The following PWWP2B variants were observed in gnomAD, a reference collection of about 807,000 sequenced individuals.
PWWP2B encodes the protein PWWP domain containing 2B, also known as PWWP domain-containing protein 2B.
A neutral mutation model predicts 15.5 loss-of-function variants in PWWP2B; 9 were observed. That is an observed-to-expected ratio of 0.58 (90% CI 0.35 to 1.02). The LOEUF is 1.02. PWWP2B is among the 50% of genes least tolerant of loss of function. The pLI is 0.02. For synonymous variants in PWWP2B, 474 were observed against 403.6 expected, an observed-to-expected ratio of 1.17 and a Z score of -2.09; for missense variants, 864 against 865.3, an observed-to-expected ratio of 1.00 and a Z score of 0.02.
chr10:132,404,992 C>T lies in PWWP2B; in HGVS notation c.492C>T (p.Leu164=). 6.4e-7 allele frequency: 1 copy of T among 1,568,384 alleles called. No homozygotes were observed. Among genetic ancestry groups the T allele is most frequent in the Non-Finnish European group, 8.6e-7 (1 of 1,164,686 alleles). The change falls in exon 2 of 3, where the codon CTC becomes CTT. Residue 164 remains leucine (L), a synonymous_variant. Transcript: ENST00000305233. ...RLSRNRDPGR[L]ILSTIRLRPR... is the part of the protein sequence containing the mutation. ...CCCGCAACCGCGACCCGGGGCGCCT[C>T]ATCCTCAGCACCATCCGCCTGCGGC...
intron 2 of PWWP2B, among the ~76,000 whole-genome samples, chr10:132,408,068 A>G (rs916629449): frequency 2.0e-5 from 3 of 152,218 alleles, no homozygotes; most frequent in African/African-American, 7.2e-5. Flanking sequence ...AAGTGGAGGA[A>G]GAATCTCACC....
chr10:132,411,973 T>C (rs1311480056), intron 2 of PWWP2B, among the ~76,000 whole-genome samples: 1 of 152,254 alleles, frequency 6.6e-6, no homozygotes, highest in East Asian at 1.9e-4. Context: ...GTTGTAATTA[T>C]TTTGTTCCAG....
intron 2 of PWWP2B, 99 bp from the exon 3 acceptor site, chr10:132,416,962 C>G: frequency 7.5e-7 from 1 of 1,324,732 alleles, no homozygotes; most frequent in Non-Finnish European, 1.1e-6. Context: ...GAGCCTCAGG[C>G]CCTCCGGGGC....
At chr10:132,406,365 C>A in intron 2 of PWWP2B, 76 bp downstream of exon 2, 1 of 1,301,896 alleles carries the variant, frequency 7.7e-7, no homozygotes, top group Non-Finnish European at 1.0e-6. Flanking sequence ...GCCTCTGCTC[C>A]GGGCCCTGAG....
Position 132,405,030 on chromosome 10 carries a change from T to C in PWWP2B, c.530T>C (p.Leu177Pro). Reference sequence around the variant, plus strand: ...ATCCGCCTGCGGCCGCGCCAGGTGCTCTGTGAGAAGTGCAAGAGCACGCTG... The same window carrying C: ...ATCCGCCTGCGGCCGCGCCAGGTGCCCTGTGAGAAGTGCAAGAGCACGCTG... ...STIRLRPRQV[L>P]CEKCKSTLSP... Residue 177 changes from leucine (L) to proline (P), a missense_variant, in exon 2 of 3, where the codon CTC (leucine) becomes CCC (proline). By Grantham distance (98) the Leu-to-Pro change is moderately conservative. Around this residue, in one of 2 missense-constraint regions of PWWP2B, gnomAD observed 736 missense variants for 687.7 expected, o/e 1.07. Transcript: ENST00000305233. 1 of 1,525,646 alleles carries C rather than the reference T, an allele frequency of 6.6e-7. No homozygotes were observed. Among genetic ancestry groups the C allele is most frequent in the Admixed American group, 2.0e-5 (1 of 49,584 alleles). The allele number at this position is 1,525,646 out of a possible 1,614,324, so 94.5% of individuals were successfully genotyped here.
At position 132,407,550 on chromosome 10, in the gene PWWP2B, C is replaced by T. The variant is rs966796177; in HGVS notation, c.*16+1261C>T. Among the ~76,000 whole-genome samples, 4 of 152,326 alleles carry T rather than the reference C, an allele frequency of 2.6e-5. No homozygotes were observed. In the South Asian group the frequency reaches 6.2e-4, roughly 24 times the overall value. ...CTGCGTATTGGGGTTCCGGCGGAAG[C>T]AGTGATGAGAGACCACTGTGGTTGA... On this transcript the variant is annotated intron_variant, in intron 2 of 2. Coordinates refer to ENST00000305233, the MANE Select transcript of PWWP2B (RefSeq NM_138499.4).
intron 2 of PWWP2B, among the ~76,000 whole-genome samples, chr10:132,414,159 G>A (rs766835684): frequency 1.3e-5 from 2 of 152,238 alleles, no homozygotes; most frequent in African/African-American, 2.4e-5. Flanking sequence ...GAGAGGGAAG[G>A]CTCCTGCGAA....
chr10:132,405,114 G>A lies in PWWP2B; in HGVS notation c.614G>A (p.Gly205Asp), dbSNP rs191193353. 4 of 1,540,704 alleles carry A rather than the reference G, an allele frequency of 2.6e-6. No individual in the cohort carries two copies. Among genetic ancestry groups the A allele is most frequent in the African/African-American group, 2.8e-5 (2 of 72,676 alleles). ...PAAPRARRRL[G>D]SGPDRELRKP... ...GCGCCCAGGGCCCGCAGGAGGCTGG[G>A]CAGCGGCCCGGACAGGGAGCTCCGC... The change falls in exon 2 of 3, where the codon GGC (glycine) becomes GAC (aspartate). Residue 205 changes from glycine to aspartate, a missense_variant. Gly to Asp is a moderately conservative substitution (Grantham distance 94). Around this residue, in one of 2 missense-constraint regions of PWWP2B, gnomAD observed 736 missense variants for 687.7 expected, o/e 1.07. Transcript: ENST00000305233.
rs1379228940 is a variant in PWWP2B, at chr10:132,405,386, G to A, written c.886G>A (p.Val296Met). 1.9e-6 allele frequency: 3 copies of A among 1,611,230 alleles called. No homozygotes were observed. Among genetic ancestry groups the A allele is most frequent in the African/African-American group, 2.7e-5 (2 of 74,924 alleles). Residue 296 changes from valine (V) to methionine (M), a missense_variant, in exon 2 of 3, where the codon GTG becomes ATG. Physicochemically the swap from Val to Met is conservative, Grantham distance 21. Transcript: ENST00000305233. ...PQDDGSQDPE[V>M]LDRESRDRPS... is the part of the protein sequence containing the mutation. The stretch of plus-strand genomic sequence containing the variant: ...GGACGACGGCAGCCAGGACCCCGAG[G>A]TGCTGGACAGAGAGTCCCGGGACCG...
At chr10:132,402,612 C>G (rs1030028078) in intron 1 of PWWP2B, among the ~76,000 whole-genome samples, 4 of 152,232 alleles carry the variant, frequency 2.6e-5, no homozygotes, top group African/African-American at 9.6e-5. Context: ...TAAATGCTCA[C>G]AAGGTGCTCA....
intron 2 of PWWP2B, among the ~76,000 whole-genome samples, chr10:132,413,768 T>C (rs1026867336): frequency 6.6e-6 from 1 of 152,174 alleles, no homozygotes; most frequent in African/African-American, 2.4e-5. Flanking sequence ...CACACCCAAC[T>C]CCCTGGGGGG....
Position 132,405,953 on chromosome 10 carries a change from G to A in PWWP2B, c.1453G>A (p.Gly485Ser), listed in dbSNP as rs781085155. ...QSVSECITEDGRTVAVGDIVW... is the reference protein window; with the variant it reads ...QSVSECITEDSRTVAVGDIVW... ...CGTGTCGGAGTGCATCACGGAGGAC[G>A]GCAGGACTGTGGCCGTGGGGGACAT... Residue 485 changes from glycine to serine, a missense_variant, in exon 2 of 3, where the codon GGC (glycine) becomes AGC (serine). Gly to Ser is a moderately conservative substitution (Grantham distance 56). Around this residue, in one of 2 missense-constraint regions of PWWP2B, gnomAD observed 128 missense variants for 177.6 expected, o/e 0.72. Coordinates refer to ENST00000305233, the MANE Select transcript of PWWP2B (RefSeq NM_138499.4). 3.7e-6 allele frequency: 6 copies of A among 1,613,454 alleles called. No individual in the cohort carries two copies. In the East Asian group the frequency reaches 6.7e-5, roughly 18 times the overall value.
At chr10:132,412,782 C>T (rs1200887063) in intron 2 of PWWP2B, among the ~76,000 whole-genome samples, 1 of 152,198 alleles carries the variant, frequency 6.6e-6, no homozygotes, top group East Asian at 1.9e-4. Context: ...CTCATGGAGG[C>T]CAGGGTAGAT....
intron 1 of PWWP2B, among the ~76,000 whole-genome samples, chr10:132,404,323 G>C (rs2069652271): frequency 6.6e-6 from 1 of 152,104 alleles, no homozygotes; most frequent in African/African-American, 2.4e-5. Flanking sequence ...ATGTCCCCTG[G>C]GGCCATGGAC....
intron 2 of PWWP2B, among the ~76,000 whole-genome samples, chr10:132,413,252 A>G (rs931470971): frequency 1.3e-5 from 2 of 152,286 alleles, no homozygotes; most frequent in African/African-American, 4.8e-5. Flanking sequence ...CATGTAATAT[A>G]GGTGTGTAAA....
Position 132,413,013 on chromosome 10 carries a change from C to T in PWWP2B, c.*17-4048C>T, listed in dbSNP as rs146614060. ...AGCAGCCTGCTGGCATCTTTGCCCCCGCCGTGCCACGTCATCTGGGCTCAC... is the reference window on the plus strand; with the variant it reads ...AGCAGCCTGCTGGCATCTTTGCCCCTGCCGTGCCACGTCATCTGGGCTCAC... On this transcript the variant is annotated intron_variant, in intron 2 of 2. Transcript: ENST00000305233. Among the ~76,000 whole-genome samples, 592 of 152,344 alleles carry T rather than the reference C, an allele frequency of 3.9e-3. 6 individuals carry two copies. Among genetic ancestry groups the T allele is most frequent in the Non-Finnish European group, 4.3e-3 (295 of 68,038 alleles).
chr10:132,406,036 T>C lies in PWWP2B; in HGVS notation c.1536T>C (p.Ser512=), dbSNP rs1265383259. 9 of 1,613,644 alleles carry C rather than the reference T, an allele frequency of 5.6e-6. No individual in the cohort carries two copies. The highest frequency in any genetic ancestry group is 6.8e-6 in the Non-Finnish European group (8 of 1,179,984). ...GGCCGGCGCGTGTTCTTGACATCAG[T>C]CTCGGCCAGAAGGAGGACGGAGAGC... The part of the protein sequence containing the change: ...PWWPARVLDI[S]LGQKEDGEPS... The change falls in exon 2 of 3, where the codon AGT becomes AGC. Residue 512 remains serine, a synonymous_variant. Coordinates refer to ENST00000305233, the MANE Select transcript of PWWP2B (RefSeq NM_138499.4).
chr10:132,410,835 T>C (rs1470317889), intron 2 of PWWP2B, among the ~76,000 whole-genome samples: 2 of 152,204 alleles, frequency 1.3e-5, no homozygotes, highest in African/African-American at 2.4e-5. Flanking sequence ...TCCCGGCCTC[T>C]TGGGCAAGGG....
chr10:132,415,220 ACACC>A (rs1223323282), intron 2 of PWWP2B, among the ~76,000 whole-genome samples: 1 of 151,802 alleles, frequency 6.6e-6, no homozygotes, highest in African/African-American at 2.4e-5. Flanking sequence ...TCTCACACAC[ACACC>A]CACTCACACT....
Sources: gnomAD v4.1 joint callset for allele counts (sites outside exome capture counted in the v4.1 genomes callset) on GRCh38, gnomAD v4.1.1 for gene constraint, gnomAD v4.1.1 regional missense constraint, MANE v1.5 for transcripts, NCBI Gene and HGNC (gene_info 2026-07-23, HGNC 2026-07-21) for gene names.